GNG7: variants seen among roughly 807,000 people sequenced by gnomAD.
GNG7 encodes the protein guanine nucleotide-binding protein G(I)/G(S)/G(O) subunit gamma-7.
GNG7 carries 1 observed loss-of-function variant against 4.0 expected under a neutral mutation model. That is an observed-to-expected ratio of 0.25 (90% CI 0.09 to 1.18). The LOEUF (loss-of-function observed/expected upper bound fraction) is 1.18, where lower values mean the gene tolerates loss of function less well. Among genes scored for constraint, GNG7 ranks in the 50% most tolerant of loss-of-function variants. The pLI is 0.50. For synonymous variants in GNG7, 34 were observed against 36.9 expected (o/e 0.92, Z 0.29); for missense variants, 86 against 91.9 (o/e 0.94, Z 0.26).
chr19:2,567,735 C>T (rs530815639), intron 2 of GNG7, among the ~76,000 whole-genome samples: 9 of 152,242 alleles, frequency 5.9e-5, no homozygotes, highest in African/African-American at 2.2e-4. Flanking sequence ...AAAACAGCAA[C>T]CCTCTGGCCC....
At chr19:2,623,911 C>G (rs143294862) in intron 2 of GNG7, among the ~76,000 whole-genome samples, 3 of 152,066 alleles carry the variant, frequency 2.0e-5, no homozygotes, top group Non-Finnish European at 4.4e-5. Context: ...TGTGACTGCA[C>G]GCCTAGGAGG....
chr19:2,561,260 G>A (rs1224305837), intron 2 of GNG7, among the ~76,000 whole-genome samples: 2 of 152,154 alleles, frequency 1.3e-5, no homozygotes, highest in Non-Finnish European at 2.9e-5. Context: ...CCATGTCTGG[G>A]GACATCTGTG....
At chr19:2,642,978 G>A in intron 2 of GNG7, 1 of 445,720 alleles carries the variant, frequency 2.2e-6, no homozygotes, top group Non-Finnish European at 4.5e-6. Flanking sequence ...CACCCGAAAT[G>A]CAAAGTCTGC....
In GNG7 at chr19:2,633,477, G is replaced by GCA. The variant is rs1910633080; in HGVS notation, c.-78+12746_-78+12747insTG. On this transcript the variant is annotated intron_variant, in intron 2 of 4. Coordinates refer to ENST00000382159, the MANE Select transcript of GNG7 (RefSeq NM_052847.3). This position sits in a 1 kb window ranked among gnomAD's most constrained non-coding sequence, Gnocchi z 5.9. Reference sequence around the variant, plus strand: ...AGCGGTTGCTTAGCAACAGGCGCGCGCGCGCGCGCGCACACACACACACAC... The same window carrying GCA: ...AGCGGTTGCTTAGCAACAGGCGCGCGCACGCGCGCGCGCACACACACACACAC... 1.6e-5 allele frequency among the ~76,000 whole-genome samples: 1 copy of GCA among 63,222 alleles called. No individual in the cohort carries two copies. Among genetic ancestry groups the GCA allele is most frequent in the Non-Finnish European group, 3.2e-5 (1 of 31,210 alleles). 41.5% of individuals were successfully genotyped at this position (63,222 alleles called of 152,430 possible).
chr19:2,582,777 T>G (rs138473941), intron 2 of GNG7, among the ~76,000 whole-genome samples: 1,702 of 149,232 alleles, frequency 0.011, 42 homozygotes, highest in African/African-American at 0.04. Context: ...CAAGCGATTC[T>G]CCTGCCTCAG....
At chr19:2,595,763 A>G (rs959059955) in intron 2 of GNG7, among the ~76,000 whole-genome samples, 2 of 152,020 alleles carry the variant, frequency 1.3e-5, no homozygotes, top group South Asian at 2.1e-4. Flanking sequence ...ATTAAATTTA[A>G]AAAGGTAAAA....
chr19:2,597,826 G>A (rs1981069567), intron 2 of GNG7, among the ~76,000 whole-genome samples: 1 of 150,890 alleles, frequency 6.6e-6, no homozygotes, highest in African/African-American at 2.4e-5. Flanking sequence ...AACCCAGGAG[G>A]CAGAGCTTGC....
intron 3 of GNG7, among the ~76,000 whole-genome samples, chr19:2,539,919 C>T (rs189524564): frequency 6.9e-6 from 1 of 144,440 alleles, no homozygotes; most frequent in African/African-American, 2.6e-5. Flanking sequence ...CTCCCTCTTT[C>T]TCTTTCTTTC....
intron 2 of GNG7, among the ~76,000 whole-genome samples, chr19:2,566,709 C>T (rs1418187671): frequency 6.6e-6 from 1 of 152,160 alleles, no homozygotes; most frequent in Non-Finnish European, 1.5e-5. Flanking sequence ...CAGATGGTCT[C>T]TGTTGCAACT....
intron 3 of GNG7, chr19:2,538,142 C>T (rs2072348): frequency 0.043 from 19,401 of 456,470 alleles, 1,535 homozygotes; most frequent in East Asian, 0.23. Flanking sequence ...GCAGTGGCTA[C>T]GGAGGCCCTG....
intron 1 of GNG7, among the ~76,000 whole-genome samples, chr19:2,667,386 G>C (rs745733670): frequency 6.6e-5 from 10 of 152,090 alleles, no homozygotes; most frequent in Non-Finnish European, 8.8e-5. Context: ...TTGAAATGCA[G>C]AAAACGGCTG....
chr19:2,654,051 G>GCGGGGC (rs1982897670), intron 1 of GNG7, among the ~76,000 whole-genome samples: 2 of 152,182 alleles, frequency 1.3e-5, no homozygotes, highest in Non-Finnish European at 2.9e-5. Flanking sequence ...TGTGGCGGGG[G>GCGGGGC]CGGGGCCGTG....
chr19:2,671,965 G>A lies in GNG7; in HGVS notation c.-134-25685C>T, dbSNP rs561016602. Among the ~76,000 whole-genome samples, 6 of 145,530 alleles carry A rather than the reference G, an allele frequency of 4.1e-5. No homozygotes were observed. In the South Asian group the frequency reaches 1.4e-3, roughly 33 times the overall value. On this transcript the variant is annotated intron_variant, in intron 1 of 4. Transcript: ENST00000382159. ...ACTCGGGAGGCTGAGGCAGGAGAAT[G>A]GCATGAACCCGGGAGGTGGAGCTTG... is the stretch of plus-strand genomic sequence containing the variant.
chr19:2,538,970 A>C (rs1469396126), intron 3 of GNG7, among the ~76,000 whole-genome samples: 1 of 151,780 alleles, frequency 6.6e-6, no homozygotes, highest in African/African-American at 2.4e-5. Context: ...ACAGGGTTTC[A>C]CCGTGTTAGC....
chr19:2,581,312 GT>G (rs1487824042), intron 2 of GNG7, among the ~76,000 whole-genome samples: 1 of 148,218 alleles, frequency 6.7e-6, no homozygotes, highest in Non-Finnish European at 1.5e-5. Flanking sequence ...GGCCGCGGGG[GT>G]GGAGGGGTGA....
intron 3 of GNG7, among the ~76,000 whole-genome samples, chr19:2,547,028 T>C (rs1979151062): frequency 6.6e-6 from 1 of 151,760 alleles, no homozygotes; most frequent in African/African-American, 2.4e-5. Context: ...CAGAGGGCAG[T>C]ACCGGGCCTT....
chr19:2,567,946 T>A (rs770024895), intron 2 of GNG7, among the ~76,000 whole-genome samples: 1 of 152,044 alleles, frequency 6.6e-6, no homozygotes, highest in Non-Finnish European at 1.5e-5. Flanking sequence ...ACTCAGGAAG[T>A]AGGGCGTTCA....
At chr19:2,649,347 CTG>C (rs1417528735) in intron 1 of GNG7, among the ~76,000 whole-genome samples, 1 of 145,800 alleles carries the variant, frequency 6.9e-6, no homozygotes, top group Non-Finnish European at 1.5e-5. Flanking sequence ...AACCAGCAAA[CTG>C]AGAGAGGCGG....
chr19:2,650,560 C>T (rs762388326), intron 1 of GNG7, among the ~76,000 whole-genome samples: 1 of 152,170 alleles, frequency 6.6e-6, no homozygotes, highest in East Asian at 1.9e-4. Context: ...GCCCTTTAAC[C>T]CCAGCCCCTG....
Sources: allele counts gnomAD v4.1 joint callset (sites outside exome capture counted in the v4.1 genomes callset), GRCh38; gene constraint gnomAD v4.1.1; non-coding constraint Gnocchi (gnomAD v3.1); transcripts MANE v1.5; gene names NCBI Gene and HGNC (gene_info 2026-07-23, HGNC 2026-07-21).